Variants in BYSL observed in about 807,000 individuals in gnomAD.
BYSL encodes the protein bystin.
In BYSL, 21 loss-of-function variants were observed where a neutral mutation model predicts 45.4. That is an observed-to-expected ratio of 0.46 (90% CI 0.33 to 0.67). The LOEUF (loss-of-function observed/expected upper bound fraction) is 0.67, where lower values mean the gene tolerates loss of function less well. Among genes scored for constraint, BYSL ranks in the 30% least tolerant of loss-of-function variants. BYSL has a pLI of 0.02. For synonymous variants in BYSL, 215 were observed against 231.3 expected (o/e 0.93, Z 0.64); for missense variants, 522 against 578.5 (o/e 0.90, Z 1.00).
At chr6:41,931,075 A>G (rs1775631389) in intron 4 of BYSL, among the ~76,000 whole-genome samples, 1 of 152,216 alleles carries the variant, frequency 6.6e-6, no homozygotes, top group Non-Finnish European at 1.5e-5. Flanking sequence ...ACAACCCTGT[A>G]GCAGGACCCT....
chr6:41,931,427 GC>G lies in BYSL; in HGVS notation c.739del (p.Gln247SerfsTer45). On this transcript the variant is annotated frameshift_variant, in exon 5 of 7. Coordinates refer to ENST00000230340, the MANE Select transcript of BYSL (RefSeq NM_004053.4). LOFTEE classifies it high-confidence loss of function. ...TGCCTCTAACCTGAAGGAACGCATG[GC>G]CCAGCGCTTCTACAACCTTGTCCTG... ...IFASNLKERMAQRFYNLVLLP... is the reference protein window; with the variant it reads ...IFASNLKERMXQRFYNLVLLP... 6.2e-7 allele frequency: 1 copy of G among 1,614,168 alleles called. No individual in the cohort carries two copies. The highest frequency in any genetic ancestry group is 8.5e-7 in the Non-Finnish European group (1 of 1,180,046).
At chr6:41,919,625 T>A (rs1775407656), upstream of BYSL, among the ~76,000 whole-genome samples, 1 of 152,154 alleles carries the variant, frequency 6.6e-6, no homozygotes. Context: ...TGGAGCTGCC[T>A]TCTCCATTTA....
chr6:41,909,129 G>T, the BYSL span: 291 of 1,148,522 alleles, frequency 2.5e-4, no homozygotes, highest in South Asian at 4.1e-4. Flanking sequence ...TGCCAAGATT[G>T]TGCCATTGCA....
chr6:41,932,248 A>T lies in BYSL; in HGVS notation c.969-113A>T. On this transcript the variant is annotated intron_variant, in intron 6 of 6. Coordinates refer to ENST00000230340, the MANE Select transcript of BYSL (RefSeq NM_004053.4). The surrounding 1 kb of genome is among the most constrained non-coding windows in gnomAD (Gnocchi z 4.7). The stretch of plus-strand genomic sequence containing the variant: ...TGAGAAGGTCCCTGGGGAATACCAT[A>T]GTGTAAGGGCCAGCAGAGGGGAAGA... The T allele has an allele frequency of 1.0e-6, 1 of 1,000,620 alleles. No individual in the cohort carries two copies. Among genetic ancestry groups the T allele is most frequent in the Non-Finnish European group, 1.5e-6 (1 of 666,998 alleles). 62.0% of individuals were successfully genotyped at this position (1,000,620 alleles called of 1,614,324 possible). A position where few individuals can be genotyped will look rare whatever the true frequency, so the allele number is the denominator to read the frequency against.
intron 1 of BYSL, among the ~76,000 whole-genome samples, chr6:41,925,386 C>T (rs1179760411): frequency 2.0e-5 from 3 of 148,184 alleles, no homozygotes; most frequent in Admixed American, 6.7e-5. Context: ...TTTTTTAAGA[C>T]GGAGTCTCGC....
chr6:41,921,770 G>A lies in BYSL; in HGVS notation c.208G>A (p.Glu70Lys), dbSNP rs760983487. ...AGCACGGCAGCAACAGGAGGAACTC[G>A]AGGCCGAGCATGGGACTGGGGACAA... ...QQARQQQEEL[E>K]AEHGTGDKPA... is the part of the protein sequence containing the mutation. Residue 70 changes from glutamate (E) to lysine (K), a missense_variant, in exon 1 of 7, where the codon GAG becomes AAG. Coordinates refer to ENST00000230340, the MANE Select transcript of BYSL (RefSeq NM_004053.4). The A allele has an allele frequency of 1.9e-6, 3 of 1,613,288 alleles. No individual in the cohort carries two copies. Among genetic ancestry groups the A allele is most frequent in the Admixed American group, 1.7e-5 (1 of 59,978 alleles).
At chr6:41,919,287 T>G (rs905819434), upstream of BYSL, among the ~76,000 whole-genome samples, 5 of 152,138 alleles carry the variant, frequency 3.3e-5, no homozygotes, top group East Asian at 9.6e-4. Flanking sequence ...CTAGACTGCC[T>G]GTATAAGGAT....
chr6:41,909,614 C>T, the BYSL span: 9 of 1,537,628 alleles, frequency 5.9e-6, no homozygotes, highest in Non-Finnish European at 7.1e-6. Context: ...TGAGGCCAGA[C>T]AGCAATCTGG....
upstream of BYSL, among the ~76,000 whole-genome samples, chr6:41,918,735 C>A (rs1414626509): frequency 2.6e-5 from 4 of 151,176 alleles, no homozygotes; most frequent in Non-Finnish European, 5.9e-5. Context: ...ATCATGAGGT[C>A]AGGAGATCGA....
upstream of BYSL, chr6:41,921,088 T>G (rs894494203): frequency 1.8e-5 from 29 of 1,591,112 alleles, no homozygotes; most frequent in Admixed American, 5.3e-5. Flanking sequence ...CCACAGAAAC[T>G]CCTTCAGTTC....
At chr6:41,923,336 G>A (rs934167905) in intron 1 of BYSL, among the ~76,000 whole-genome samples, 5 of 144,548 alleles carry the variant, frequency 3.5e-5, no homozygotes, top group Non-Finnish European at 7.5e-5. Context: ...TGAGCCTGTC[G>A]CCCAGGCTGT....
upstream of BYSL, among the ~76,000 whole-genome samples, chr6:41,918,426 A>G (rs1775371350): frequency 6.6e-6 from 1 of 150,494 alleles, no homozygotes; most frequent in South Asian, 2.1e-4. Flanking sequence ...ATCACTTGAA[A>G]CCAGGAGGCG....
chr6:41,926,967 G>T (rs1490846030), intron 1 of BYSL, among the ~76,000 whole-genome samples: 1 of 151,572 alleles, frequency 6.6e-6, no homozygotes, highest in Non-Finnish European at 1.5e-5. Context: ...GGTGGCTTAT[G>T]CCTGTAGTCC....
chr6:41,921,370 G>C, upstream of BYSL: 1 of 699,854 alleles, frequency 1.4e-6, no homozygotes, highest in Non-Finnish European at 2.3e-6. Flanking sequence ...AATATATTCG[G>C]GAGTCCAGCT....
the BYSL span, among the ~76,000 whole-genome samples, chr6:41,913,835 T>G: frequency 6.6e-6 from 1 of 151,836 alleles, no homozygotes; most frequent in Non-Finnish European, 1.5e-5. Flanking sequence ...GAGGTGGAGG[T>G]TGCAGTGAGA....
the BYSL span, among the ~76,000 whole-genome samples, chr6:41,915,542 C>T: frequency 6.6e-6 from 1 of 152,006 alleles, no homozygotes; most frequent in African/African-American, 2.4e-5. Flanking sequence ...AATCCCAGCA[C>T]TTCGGGAGGC....
Position 41,933,032 on chromosome 6 carries a change from C to G in BYSL, c.*326C>G, listed in dbSNP as rs1401423043. On this transcript the variant is annotated 3_prime_UTR_variant, in exon 7 of 7. Coordinates refer to ENST00000230340, the MANE Select transcript of BYSL (RefSeq NM_004053.4). ...AGGTCACTGTGGATAAAGGCAAAGA[C>G]AGATATTTATTGAACCTCTGTGTTT... is the stretch of plus-strand genomic sequence containing the variant. The G allele has an allele frequency of 3.2e-6, 1 of 313,110 alleles. No homozygotes were observed. Among genetic ancestry groups the G allele is most frequent in the African/African-American group, 2.1e-5 (1 of 47,346 alleles). The allele number at this position is 313,110 out of a possible 1,614,324, so 19.4% of individuals were successfully genotyped here. A position where few individuals can be genotyped will look rare whatever the true frequency, so the allele number is the denominator to read the frequency against.
intron 1 of BYSL, among the ~76,000 whole-genome samples, chr6:41,925,512 C>G (rs1260488150): frequency 6.6e-6 from 1 of 151,436 alleles, no homozygotes; most frequent in Admixed American, 6.6e-5. Flanking sequence ...TACAGGCGCC[C>G]GCCACCACAC....
chr6:41,921,115 G>T, upstream of BYSL: 4 of 1,498,780 alleles, frequency 2.7e-6, no homozygotes, highest in Non-Finnish European at 3.7e-6. Flanking sequence ...ACAACCTTCT[G>T]TCTCAGAAGG....
Sources: gnomAD v4.1 joint callset for allele counts (sites outside exome capture counted in the v4.1 genomes callset) on GRCh38, gnomAD v4.1.1 for gene constraint, Gnocchi (gnomAD v3.1) non-coding constraint, MANE v1.5 for transcripts, NCBI Gene and HGNC (gene_info 2026-07-23, HGNC 2026-07-21) for gene names.